PIGK: variants seen among roughly 807,000 people sequenced by gnomAD.
The protein encoded by PIGK is GPI-anchor transamidase.
A neutral mutation model predicts 50.6 loss-of-function variants in PIGK; 42 were observed. That is an observed-to-expected ratio of 0.83 (90% confidence interval 0.65 to 1.07). The LOEUF (loss-of-function observed/expected upper bound fraction) is 1.07, where lower values mean the gene tolerates loss of function less well. Among genes scored for constraint, PIGK ranks in the 50% least tolerant of loss-of-function variants. The pLI is 0.00. For synonymous variants in PIGK, 151 were observed against 156.0 expected (o/e 0.97, Z 0.24); for missense variants, 448 against 488.7 (o/e 0.92, Z 0.78).
At chr1:77,217,421 AAGTT>A (rs538622605) in intron 1 of PIGK, among the ~76,000 whole-genome samples, 115 of 152,308 alleles carry the variant, frequency 7.6e-4, no homozygotes, top group African/African-American at 2.6e-3. Context: ...AACTGAAAGA[AAGTT>A]AGCCTAACTA....
At chr1:77,152,053 T>C (rs1654904531) in intron 9 of PIGK, among the ~76,000 whole-genome samples, 1 of 152,122 alleles carries the variant, frequency 6.6e-6, no homozygotes, top group South Asian at 2.1e-4. Context: ...AAAGCAACCC[T>C]GAGCAAGAAG....
rs1044876696 is a variant in PIGK at position 77,154,244 on chromosome 1, C to T, written c.986+205G>A. 3 of 546,058 alleles carry T rather than the reference C, an allele frequency of 5.5e-6. No individual in the cohort carries two copies. The African/African-American group carries it at 5.8e-5, about 11-fold the overall frequency. 33.8% of individuals were successfully genotyped at this position (546,058 alleles called of 1,614,324 possible). On this transcript the variant is annotated intron_variant, in intron 9 of 10. Transcript: ENST00000370812. Reference sequence around the variant, plus strand: ...TTGTCTTTTGGAGCTCCAACATAATCCTAACGATGATCTTAGTTTCCACTA... The same window carrying T: ...TTGTCTTTTGGAGCTCCAACATAATTCTAACGATGATCTTAGTTTCCACTA...
intron 10 of PIGK, among the ~76,000 whole-genome samples, chr1:77,097,061 T>G (rs1570176759): frequency 6.6e-6 from 1 of 152,058 alleles, no homozygotes; most frequent in African/African-American, 2.4e-5. Flanking sequence ...GTGGCACATA[T>G]ACACCATGGA....
rs76319379 is a variant in PIGK, at chr1:77,206,099, T to A, written c.239+541A>T. Among the ~76,000 whole-genome samples, 3 of 152,118 alleles carry A rather than the reference T, an allele frequency of 2.0e-5. No individual in the cohort carries two copies. In the East Asian group the frequency reaches 5.8e-4, roughly 29 times the overall value. ...TGGCAGCAGGAGGCAATAGCAACAT[T>A]AAGTTTCAAAAGGAAACAAACAGTA... On this transcript the variant is annotated intron_variant, in intron 3 of 10. Transcript: ENST00000370812.
intron 10 of PIGK, among the ~76,000 whole-genome samples, chr1:77,108,149 T>C (rs1274895468): frequency 6.6e-6 from 1 of 152,216 alleles, no homozygotes; most frequent in Non-Finnish European, 1.5e-5. Flanking sequence ...TAGCTGGTTA[T>C]TTCGCTCGTT....
intron 9 of PIGK, among the ~76,000 whole-genome samples, chr1:77,140,015 G>C (rs1654612496): frequency 6.6e-6 from 1 of 152,076 alleles, no homozygotes; most frequent in African/African-American, 2.4e-5. Flanking sequence ...AATGCCAAAG[G>C]CTACTGAATT....
intron 3 of PIGK, among the ~76,000 whole-genome samples, chr1:77,200,123 A>G (rs1175706097): frequency 6.6e-6 from 1 of 152,158 alleles, no homozygotes; most frequent in Non-Finnish European, 1.5e-5. Flanking sequence ...TGTGGAAGTG[A>G]AAAGATGAAA....
intron 9 of PIGK, among the ~76,000 whole-genome samples, chr1:77,152,574 A>T (rs1654916735): frequency 2.6e-5 from 4 of 152,144 alleles, no homozygotes; most frequent in Admixed American, 2.0e-4. Flanking sequence ...AACGTACAGA[A>T]TGAGAGAAAA....
intron 10 of PIGK, among the ~76,000 whole-genome samples, chr1:77,106,936 C>A (rs1271248470): frequency 6.6e-6 from 1 of 151,944 alleles, no homozygotes; most frequent in Non-Finnish European, 1.5e-5. Flanking sequence ...GTGGTGATAT[C>A]CCCTTTATCA....
intron 3 of PIGK, among the ~76,000 whole-genome samples, chr1:77,180,890 T>C (rs983988567): frequency 6.6e-6 from 1 of 152,162 alleles, no homozygotes; most frequent in Non-Finnish European, 1.5e-5. Context: ...CAGCTTGACT[T>C]TTCCCTTTAG....
chr1:77,133,378 C>T (rs926169806), intron 9 of PIGK, among the ~76,000 whole-genome samples: 1 of 152,112 alleles, frequency 6.6e-6, no homozygotes, highest in African/African-American at 2.4e-5. Context: ...CCCACCTTTT[C>T]ATCTATTTTC....
chr1:77,127,831 TAG>T (rs1654265542), intron 9 of PIGK, among the ~76,000 whole-genome samples: 1 of 152,072 alleles, frequency 6.6e-6, no homozygotes. Flanking sequence ...AAGGAAATAA[TAG>T]AGAAATCAAA....
In PIGK at chr1:77,166,814, A is replaced by C. The variant is rs1570236751; in HGVS notation, c.392T>G (p.Phe131Cys). ...GATCCTCCCAGTTAATACCCGTAAA[A>C]AATTCTCCACAGTTACCTAAGGGGG... ...YRSYEVTVENFLRVLTGRIPP... is the reference protein window; with the variant it reads ...YRSYEVTVENCLRVLTGRIPP... Residue 131 changes from phenylalanine (F) to cysteine (C), a missense_variant, in exon 5 of 11, where the codon TTT (phenylalanine) becomes TGT (cysteine). Phe to Cys is a radical substitution (Grantham distance 205, BLOSUM62 -2). Transcript: ENST00000370812. 2.5e-6 allele frequency: 4 copies of C among 1,576,088 alleles called. No individual in the cohort carries two copies. The African/African-American group carries it at 5.4e-5, about 21-fold the overall frequency.
intron 3 of PIGK, among the ~76,000 whole-genome samples, chr1:77,170,956 C>T (rs537636345): frequency 1.7e-4 from 26 of 152,322 alleles, no homozygotes; most frequent in African/African-American, 5.8e-4. Flanking sequence ...AACCCTGTCA[C>T]GTTCAAAGAT....
chr1:77,163,688 C>A (rs975889479), intron 6 of PIGK, among the ~76,000 whole-genome samples, 158 bp downstream of exon 6: 1 of 152,002 alleles, frequency 6.6e-6, no homozygotes, highest in African/African-American at 2.4e-5. Context: ...CTTTTAAAAA[C>A]AACCCAGTTC....
At chr1:77,106,388 T>G (rs1327542787) in intron 10 of PIGK, among the ~76,000 whole-genome samples, 1 of 152,168 alleles carries the variant, frequency 6.6e-6, no homozygotes, top group Non-Finnish European at 1.5e-5. Flanking sequence ...AAATAGTTAA[T>G]TTCAGTCAAA....
intron 3 of PIGK, among the ~76,000 whole-genome samples, chr1:77,200,242 C>G (rs896031334): frequency 6.6e-6 from 1 of 151,710 alleles, no homozygotes; most frequent in Non-Finnish European, 1.5e-5. Context: ...TACAGAAGCA[C>G]GTACCATAGC....
intron 9 of PIGK, among the ~76,000 whole-genome samples, chr1:77,126,254 T>A (rs777854833): frequency 2.8e-4 from 43 of 152,170 alleles, no homozygotes; most frequent in Non-Finnish European, 5.1e-4. Context: ...CTAAGAAGAT[T>A]TGATTTTAAT....
At chr1:77,135,791 G>GAA (rs769891952) in intron 9 of PIGK, among the ~76,000 whole-genome samples, 1 of 127,456 alleles carries the variant, frequency 7.8e-6, no homozygotes. Context: ...TTTCCCAAAG[G>GAA]AAAAAAAAAA....
Sources: gnomAD v4.1 joint callset for allele counts (sites outside exome capture counted in the v4.1 genomes callset) on GRCh38, gnomAD v4.1.1 for gene constraint, MANE v1.5 for transcripts, NCBI Gene and HGNC (gene_info 2026-07-23, HGNC 2026-07-21) for gene names.